Variants in NPNT observed in about 807,000 individuals in gnomAD.
The protein encoded by NPNT is preosteoblast EGF-like repeat protein with MAM domain.
A neutral mutation model predicts 68.6 loss-of-function variants in NPNT; 45 were observed. The observed-to-expected ratio is 0.66, with a 90% CI of 0.52 to 0.84. NPNT has a LOEUF of 0.84. Among genes scored for constraint, NPNT ranks in the 40% least tolerant of loss-of-function variants. NPNT has a pLI of 0.00. For synonymous variants in NPNT, 233 were observed against 253.3 expected (o/e 0.92, Z 0.76); for missense variants, 672 against 714.8 (o/e 0.94, Z 0.68).
Position 105,895,478 on chromosome 4 carries a change from A to G in NPNT, c.-175A>G. 5.4e-6 allele frequency: 3 copies of G among 558,454 alleles called. No individual in the cohort carries two copies. In the South Asian group the frequency reaches 6.9e-5, roughly 13 times the overall value. 34.6% of individuals were successfully genotyped at this position (558,454 alleles called of 1,614,324 possible). A position where few individuals can be genotyped will look rare whatever the true frequency, so the allele number is the denominator to read the frequency against. On this transcript the variant is annotated 5_prime_UTR_variant, in exon 1 of 12. Transcript: ENST00000379987. ...GAGGGGGCTCCGGGCGCCGCGCAGCAGACCTGCTCCGGCCGCGCGCCTCGC... is the reference window on the plus strand; with the variant it reads ...GAGGGGGCTCCGGGCGCCGCGCAGCGGACCTGCTCCGGCCGCGCGCCTCGC...
chr4:105,932,767 A>G, intron 3 of NPNT: 2 of 1,119,542 alleles, frequency 1.8e-6, no homozygotes, highest in Non-Finnish European at 2.6e-6. Context: ...CAGTTATGTC[A>G]CTTCTTGCAA....
At chr4:105,929,113 C>T (rs1728915761) in intron 3 of NPNT, among the ~76,000 whole-genome samples, 1 of 151,998 alleles carries the variant, frequency 6.6e-6, no homozygotes, top group South Asian at 2.1e-4. Flanking sequence ...TGCTCTCCCT[C>T]CCCTTACCCC....
chr4:105,901,203 T>C (rs1726391999), intron 2 of NPNT, among the ~76,000 whole-genome samples: 2 of 152,192 alleles, frequency 1.3e-5, no homozygotes, highest in African/African-American at 4.8e-5. Context: ...TTAAAAGCTG[T>C]GTACACTGTG....
chr4:105,967,567 T>C, intron 11 of NPNT, 123 bp downstream of exon 11: 1 of 975,172 alleles, frequency 1.0e-6, no homozygotes, highest in Non-Finnish European at 1.4e-6. Context: ...TTGGGTTTTT[T>C]TCTGGGCCTG....
At chr4:105,900,855 G>A in intron 2 of NPNT, among the ~76,000 whole-genome samples, 1 of 45,548 alleles carries the variant, frequency 2.2e-5, no homozygotes. Context: ...TTTTTTTTTT[G>A]ATTCTTTGTT....
intron 8 of NPNT, among the ~76,000 whole-genome samples, chr4:105,944,306 C>G (rs1177269742): frequency 6.6e-6 from 1 of 152,064 alleles, no homozygotes; most frequent in Non-Finnish European, 1.5e-5. Flanking sequence ...TCATTGTGAT[C>G]ATACAATGGG....
chr4:105,949,801 C>G (rs1658832338), intron 8 of NPNT, among the ~76,000 whole-genome samples: 1 of 152,088 alleles, frequency 6.6e-6, no homozygotes, highest in South Asian at 2.1e-4. Flanking sequence ...CAAAGCTGTA[C>G]CTGCCATTTG....
At chr4:105,905,915 A>G (rs1726854907) in intron 2 of NPNT, among the ~76,000 whole-genome samples, 1 of 152,224 alleles carries the variant, frequency 6.6e-6, no homozygotes, top group Non-Finnish European at 1.5e-5. Flanking sequence ...CTGTTCAGTC[A>G]TCTTCTATTT....
In NPNT at chr4:105,969,058, C is replaced by A; in HGVS notation, c.*68C>A. ...CTTTTTCCAATTCTCATCTTCTCTC[C>A]TCTTCTCCCTTTTATCAGGCCTAGG... On this transcript the variant is annotated 3_prime_UTR_variant, in exon 12 of 12. Coordinates refer to ENST00000379987, the MANE Select transcript of NPNT (RefSeq NM_001033047.3). 4.4e-5 allele frequency: 45 copies of A among 1,013,980 alleles called. 1 individual carries two copies. The South Asian group carries it at 6.4e-4, about 14-fold the overall frequency. 62.8% of individuals were successfully genotyped at this position (1,013,980 alleles called of 1,614,324 possible). A position where few individuals can be genotyped will look rare whatever the true frequency, so the allele number is the denominator to read the frequency against.
At chr4:105,949,163 G>A (rs1287421128) in intron 8 of NPNT, among the ~76,000 whole-genome samples, 4 of 152,084 alleles carry the variant, frequency 2.6e-5, no homozygotes, top group African/African-American at 9.7e-5. Flanking sequence ...AGAACTCCTA[G>A]GTTTAGCTAA....
At chr4:105,932,002 T>TA (rs1406033344) in intron 3 of NPNT, among the ~76,000 whole-genome samples, 1 of 152,218 alleles carries the variant, frequency 6.6e-6, no homozygotes, top group Non-Finnish European at 1.5e-5. Flanking sequence ...GGTAAGCTAA[T>TA]AATGGCAACA....
At chr4:105,912,330 CATT>C (rs1377609706) in intron 2 of NPNT, 1 of 882,668 alleles carries the variant, frequency 1.1e-6, no homozygotes, top group Non-Finnish European at 1.7e-6. Flanking sequence ...GTAAACAAAA[CATT>C]AGTTGTGTTT....
chr4:105,933,228 A>G (rs1729254948), intron 3 of NPNT, among the ~76,000 whole-genome samples: 2 of 152,316 alleles, frequency 1.3e-5, no homozygotes, highest in African/African-American at 4.8e-5. Flanking sequence ...TCATTAACCA[A>G]TCAGTAACAG....
intron 2 of NPNT, among the ~76,000 whole-genome samples, chr4:105,921,687 C>T (rs1728269163): frequency 6.6e-6 from 1 of 152,262 alleles, no homozygotes; most frequent in African/African-American, 2.4e-5. Flanking sequence ...TATGCAATGG[C>T]TCAGGGCACT....
At chr4:105,940,427 A>G in intron 6 of NPNT, 87 bp from the exon 7 acceptor site, 1 of 1,395,078 alleles carries the variant, frequency 7.2e-7, no homozygotes, top group Non-Finnish European at 9.9e-7. Flanking sequence ...ATTGCCAAAA[A>G]AAATCATTTT....
intron 2 of NPNT, among the ~76,000 whole-genome samples, chr4:105,926,346 A>T (rs58120447): frequency 0.023 from 3,519 of 152,314 alleles, 126 homozygotes; most frequent in African/African-American, 0.08. Context: ...AGTGTCTGGC[A>T]TAGGGACATG....
chr4:105,961,820 A>G (rs1445210729), intron 10 of NPNT, among the ~76,000 whole-genome samples: 1 of 152,210 alleles, frequency 6.6e-6, no homozygotes, highest in East Asian at 1.9e-4. Flanking sequence ...TTTTACCAAG[A>G]ACTTAGATAA....
intron 9 of NPNT, 32 bp from the exon 10 acceptor site, chr4:105,958,996 A>C (rs1462414453): frequency 7.3e-7 from 1 of 1,369,308 alleles, no homozygotes; most frequent in East Asian, 2.3e-5. Flanking sequence ...TGATTTTCTG[A>C]TCCACTCATC....
At chr4:105,944,346 A>G (rs1730214619) in intron 8 of NPNT, among the ~76,000 whole-genome samples, 1 of 152,158 alleles carries the variant, frequency 6.6e-6, no homozygotes, top group Non-Finnish European at 1.5e-5. Context: ...TTAAGTAATT[A>G]TGGTATTTAC....
Sources: gnomAD v4.1 joint callset for allele counts (sites outside exome capture counted in the v4.1 genomes callset) on GRCh38, gnomAD v4.1.1 for gene constraint, MANE v1.5 for transcripts, NCBI Gene and HGNC (gene_info 2026-07-23, HGNC 2026-07-21) for gene names.